The following DCC variants were observed in gnomAD, a reference collection of about 807,000 sequenced individuals.
The protein encoded by DCC is netrin receptor DCC.
In DCC, 58 loss-of-function variants were observed where a neutral mutation model predicts 172.5. That is an observed-to-expected ratio of 0.34 (90% CI 0.27 to 0.42). The LOEUF is 0.42. DCC is among the 10% of genes least tolerant of loss of function. The pLI is 1.00. For synonymous variants in DCC, 709 were observed against 644.5 expected (o/e 1.10, Z -1.52); for missense variants, 1,740 against 1,791.0 (o/e 0.97, Z 0.51).
chr18:53,475,744 C>G (rs1288884691), intron 25 of DCC, among the ~76,000 whole-genome samples: 1 of 152,206 alleles, frequency 6.6e-6, no homozygotes, highest in African/African-American at 2.4e-5. Flanking sequence ...AGCCCCCACA[C>G]AGAGTCCCTA....
intron 12 of DCC, among the ~76,000 whole-genome samples, chr18:53,274,441 A>C (rs548572855): frequency 1.3e-5 from 2 of 152,278 alleles, no homozygotes; most frequent in African/African-American, 4.8e-5. Context: ...TTTAAATTGA[A>C]TCAATTGCAA....
chr18:53,461,663 A>G (rs1472287658), intron 24 of DCC, among the ~76,000 whole-genome samples: 2 of 152,342 alleles, frequency 1.3e-5, no homozygotes, highest in East Asian at 3.9e-4. Flanking sequence ...GTACTCTGTC[A>G]TCTCAGAATT....
intron 14 of DCC, among the ~76,000 whole-genome samples, chr18:53,333,487 A>G (rs2057555408): frequency 6.6e-6 from 1 of 152,240 alleles, no homozygotes; most frequent in Non-Finnish European, 1.5e-5. Flanking sequence ...TATAGCAGGC[A>G]GTATGTGGTG....
chr18:52,546,888 C>T (rs2032632159), intron 1 of DCC, among the ~76,000 whole-genome samples: 2 of 152,160 alleles, frequency 1.3e-5, no homozygotes, highest in South Asian at 4.1e-4. Context: ...ATTGCTTCTA[C>T]CAAATTGTGC....
intron 1 of DCC, among the ~76,000 whole-genome samples, chr18:52,428,529 C>T (rs1405134265): frequency 2.0e-5 from 3 of 152,066 alleles, no homozygotes; most frequent in South Asian, 2.1e-4. Context: ...CGAAACCCAA[C>T]AACAATAACT....
rs549258399 is a variant in DCC at position 52,883,141 on chromosome 18, T to C, written c.413-22903T>C. On this transcript the variant is annotated intron_variant, in intron 2 of 28. Coordinates refer to ENST00000442544, the MANE Select transcript of DCC (RefSeq NM_005215.4). ...TCTTTTTGTTTTCAGTCCATGTGCA[T>C]CTTTACAGGTGAGATGTGGTTCTTG... 4.6e-5 allele frequency among the ~76,000 whole-genome samples: 7 copies of C among 152,176 alleles called. No individual in the cohort carries two copies. The East Asian group carries it at 7.7e-4, about 17-fold the overall frequency.
At chr18:52,772,755 G>C (rs1345969414) in intron 2 of DCC, among the ~76,000 whole-genome samples, 1 of 152,034 alleles carries the variant, frequency 6.6e-6, no homozygotes, top group African/African-American at 2.4e-5. Flanking sequence ...TTCTTTCATG[G>C]TAAGGACTCA....
intron 7 of DCC, among the ~76,000 whole-genome samples, chr18:53,069,212 G>A (rs902020813): frequency 1.3e-5 from 2 of 152,204 alleles, no homozygotes; most frequent in African/African-American, 4.8e-5. Flanking sequence ...CTTCCCAGAA[G>A]AGGGGTTAAT....
chr18:52,664,895 G>A (rs1360625983), intron 1 of DCC, among the ~76,000 whole-genome samples: 1 of 152,108 alleles, frequency 6.6e-6, no homozygotes, highest in East Asian at 1.9e-4. Context: ...CCCCCATTTG[G>A]GTGCTGTATA....
chr18:53,353,727 C>A lies in DCC; in HGVS notation c.2359+13820C>A, dbSNP rs140920416. Among the ~76,000 whole-genome samples, 706 of 152,240 alleles carry A rather than the reference C, an allele frequency of 4.6e-3. 4 individuals are homozygous for A. Among genetic ancestry groups the A allele is most frequent in the African/African-American group, 0.017 (687 of 41,550 alleles). ...TTTTAAGGATGTTCCACCATTATTTCATATATTACCTTGTTTCCAACAAAA... is the reference window on the plus strand; with the variant it reads ...TTTTAAGGATGTTCCACCATTATTTAATATATTACCTTGTTTCCAACAAAA... On this transcript the variant is annotated intron_variant, in intron 15 of 28. Transcript: ENST00000442544.
intron 5 of DCC, among the ~76,000 whole-genome samples, chr18:52,995,243 C>T (rs898479680): frequency 2.5e-4 from 38 of 152,096 alleles, no homozygotes; most frequent in African/African-American, 8.0e-4. Context: ...ACTCTACAGC[C>T]GAAAATTCCT....
intron 5 of DCC, among the ~76,000 whole-genome samples, chr18:52,998,089 A>C (rs2041510640): frequency 6.7e-6 from 1 of 148,312 alleles, no homozygotes; most frequent in South Asian, 2.3e-4. Flanking sequence ...TGGCAATTAA[A>C]ATTAAAATTA....
intron 5 of DCC, among the ~76,000 whole-genome samples, chr18:52,944,945 C>T (rs2040517952): frequency 6.6e-6 from 1 of 152,138 alleles, no homozygotes; most frequent in Non-Finnish European, 1.5e-5. Context: ...AATCATATAT[C>T]TCAAATAGCT....
At chr18:52,383,526 A>G (rs935048131) in intron 1 of DCC, among the ~76,000 whole-genome samples, 1 of 152,008 alleles carries the variant, frequency 6.6e-6, no homozygotes, top group African/African-American at 2.4e-5. Context: ...GCATTTGTTT[A>G]TATACATTAA....
intron 5 of DCC, among the ~76,000 whole-genome samples, chr18:52,991,827 A>G (rs544908386): frequency 6.6e-6 from 1 of 152,316 alleles, no homozygotes; most frequent in Non-Finnish European, 1.5e-5. Flanking sequence ...GCAGATCTTT[A>G]TGAACATTTA....
At chr18:52,736,041 A>G (rs1398727544) in intron 1 of DCC, among the ~76,000 whole-genome samples, 1 of 152,116 alleles carries the variant, frequency 6.6e-6, no homozygotes, top group Non-Finnish European at 1.5e-5. Context: ...CTTTGCTTAA[A>G]CAGTGTGAGA....
chr18:52,982,904 C>T (rs982088467), intron 5 of DCC, among the ~76,000 whole-genome samples: 2 of 152,120 alleles, frequency 1.3e-5, no homozygotes, highest in African/African-American at 4.8e-5. Flanking sequence ...CAACTTTCAC[C>T]CTCTTCTTCT....
intron 2 of DCC, among the ~76,000 whole-genome samples, chr18:52,782,638 C>A (rs62081958): frequency 0.028 from 4,269 of 152,132 alleles, 81 homozygotes; most frequent in Middle Eastern, 0.082. Context: ...CCATGTGCAT[C>A]TTTCTTCCTC....
chr18:52,994,441 T>G (rs2041447040), intron 5 of DCC, among the ~76,000 whole-genome samples: 1 of 152,130 alleles, frequency 6.6e-6, no homozygotes. Flanking sequence ...ATGCATCAAA[T>G]AAATTGAGGA....
Sources: gnomAD v4.1 joint callset for allele counts (sites outside exome capture counted in the v4.1 genomes callset) on GRCh38, gnomAD v4.1.1 for gene constraint, MANE v1.5 for transcripts, NCBI Gene and HGNC (gene_info 2026-07-23, HGNC 2026-07-21) for gene names.